The following IGF2BP1 variants were observed in gnomAD, a reference collection of about 807,000 sequenced individuals.
IGF2BP1 encodes the protein insulin-like growth factor 2 mRNA-binding protein 1.
Under a neutral mutation model 74.9 loss-of-function variants are expected in IGF2BP1, and 11 were observed. The ratio of observed to expected loss-of-function variants is 0.15; its 90% CI spans 0.09 to 0.24. The LOEUF (loss-of-function observed/expected upper bound fraction) is 0.24, where lower values mean the gene tolerates loss of function less well. Ranked by LOEUF, IGF2BP1 falls within the 10% of genes least tolerant of loss-of-function variation. The probability of loss-of-function intolerance (pLI) is 1.00; values close to 1 mark genes in which losing one functional copy is unlikely to be tolerated. For missense variants in IGF2BP1, 440 were observed against 757.4 expected, an observed-to-expected ratio of 0.58 and a Z score of 4.92; for synonymous variants, 287 against 281.8, an observed-to-expected ratio of 1.02 and a Z score of -0.18.
intron 5 of IGF2BP1, among the ~76,000 whole-genome samples, chr17:49,032,381 AT>A (rs1249689449): frequency 6.6e-6 from 1 of 152,076 alleles, no homozygotes; most frequent in Non-Finnish European, 1.5e-5. Context: ...TTCAAAAAAG[AT>A]TCCTCAACCT....
chr17:49,029,831 G>C (rs2041901631), intron 4 of IGF2BP1, among the ~76,000 whole-genome samples: 1 of 150,740 alleles, frequency 6.6e-6, no homozygotes, highest in African/African-American at 2.4e-5. Flanking sequence ...GTAGAGACGG[G>C]GTCTCCCTAT....
Position 49,031,383 on chromosome 17 carries a change from G to A in IGF2BP1, c.338-527G>A, listed in dbSNP as rs189537061. On this transcript the variant is annotated intron_variant, in intron 4 of 14. Coordinates refer to ENST00000290341, the MANE Select transcript of IGF2BP1 (RefSeq NM_006546.4). ...CTCCCAAAGTCCTGGGATTATAGGCGTGAGGTACCATGCTCTGCCTGGTAA... is the reference window on the plus strand; with the variant it reads ...CTCCCAAAGTCCTGGGATTATAGGCATGAGGTACCATGCTCTGCCTGGTAA... Among the ~76,000 whole-genome samples the A allele has an allele frequency of 2.6e-3, 394 of 152,160 alleles. 2 individuals carry two copies. Among genetic ancestry groups the A allele is most frequent in the African/African-American group, 8.8e-3 (365 of 41,528 alleles).
chr17:49,041,435 T>C lies in IGF2BP1; in HGVS notation c.876T>C (p.Ile292=). The C allele has an allele frequency of 6.2e-7, 1 of 1,614,042 alleles. No individual in the cohort carries two copies. The highest frequency in any genetic ancestry group is 8.5e-7 in the Non-Finnish European group (1 of 1,179,996). The change falls in exon 8 of 15, where the codon ATT becomes ATC. Residue 292 remains isoleucine, a synonymous_variant. Transcript: ENST00000290341. ...ATAATAACTTTGTAGGGCGTCTCAT[T>C]GGCAAGGAAGGACGGAACCTGAAGA... The part of the protein sequence containing the change: ...LAHNNFVGRL[I]GKEGRNLKKV...
At chr17:49,040,128 C>A in intron 7 of IGF2BP1, 37 bp downstream of exon 7, 1 of 1,610,494 alleles carries the variant, frequency 6.2e-7, no homozygotes, top group South Asian at 1.1e-5. Flanking sequence ...TCAGGGTCTG[C>A]TAGTCCAGTT....
intron 2 of IGF2BP1, among the ~76,000 whole-genome samples, chr17:49,010,595 A>G (rs1461383529): frequency 2.0e-5 from 3 of 152,052 alleles, no homozygotes; most frequent in African/African-American, 7.2e-5. Context: ...TCACCTCTTC[A>G]TCCTAAAGAA....
intron 4 of IGF2BP1, 146 bp downstream of exon 4, chr17:49,026,663 TCCTGCCTTCCTTCCTGCCTTCCTG>T (rs1567818950): frequency 7.3e-5 from 46 of 629,334 alleles, no homozygotes; most frequent in African/African-American, 1.5e-4. Context: ...CTTCCTGCCT[TCCTGCCTTCCTTCCTGCCTTCCTG>T]CCTTCCTGCC....
At chr17:49,001,668 T>C (rs2041489680) in intron 2 of IGF2BP1, among the ~76,000 whole-genome samples, 1 of 152,186 alleles carries the variant, frequency 6.6e-6, no homozygotes, top group Non-Finnish European at 1.5e-5. Flanking sequence ...TTCTTAGAGA[T>C]CACCATCTCA....
chr17:49,043,402 T>A (rs1486523480), intron 9 of IGF2BP1, 26 bp from the exon 10 acceptor site: 6 of 1,612,940 alleles, frequency 3.7e-6, no homozygotes, highest in Non-Finnish European at 5.1e-6. Flanking sequence ...GTGTGCTGAC[T>A]CTTCCTCCTC....
At position 49,051,344 on chromosome 17, in the gene IGF2BP1, A is replaced by C. The variant is rs552196719; in HGVS notation, c.*1900A>C. Reference sequence around the variant, plus strand: ...CTCTATGGAGAACAGGCCTGGTGGGAAAGGCTTTGGGGGCTGCCCCCTTAG... The same window carrying C: ...CTCTATGGAGAACAGGCCTGGTGGGCAAGGCTTTGGGGGCTGCCCCCTTAG... On this transcript the variant is annotated 3_prime_UTR_variant, in exon 15 of 15. Transcript: ENST00000290341. 36 of 152,766 alleles carry C rather than the reference A, an allele frequency of 2.4e-4. No homozygotes were observed. Among genetic ancestry groups the C allele is most frequent in the African/African-American group, 8.7e-4 (36 of 41,568 alleles). 9.5% of individuals were successfully genotyped at this position (152,766 alleles called of 1,614,324 possible).
chr17:49,040,176 C>T, intron 7 of IGF2BP1, 85 bp downstream of exon 7: 9 of 1,416,118 alleles, frequency 6.4e-6, no homozygotes, highest in Non-Finnish European at 6.8e-6. Flanking sequence ...TTTATACAGA[C>T]ATATAAGAAA....
chr17:49,025,313 AGTGTGTGTGTGTGTGTGTGTGTGTGT>A (rs369153046), intron 2 of IGF2BP1, among the ~76,000 whole-genome samples: 5 of 133,554 alleles, frequency 3.7e-5, no homozygotes, highest in Non-Finnish European at 8.0e-5. Context: ...GGACAAACAA[AGTGTGTGTGTGTGTGTGTGTGTGTGT>A]GTGTGTGTGT....
intron 4 of IGF2BP1, among the ~76,000 whole-genome samples, chr17:49,027,363 G>A (rs1327528949): frequency 1.3e-5 from 2 of 152,092 alleles, no homozygotes; most frequent in South Asian, 2.1e-4. Context: ...GAAAAGCTTC[G>A]TGTTTCTTGC....
intron 6 of IGF2BP1, among the ~76,000 whole-genome samples, chr17:49,039,027 G>A (rs2144117590): frequency 6.6e-6 from 1 of 151,824 alleles, no homozygotes; most frequent in South Asian, 2.1e-4. Context: ...ACAGGCGCGT[G>A]CCACCATGCC....
At chr17:49,027,223 C>G (rs544191741) in intron 4 of IGF2BP1, among the ~76,000 whole-genome samples, 154 of 152,306 alleles carry the variant, frequency 1.0e-3, no homozygotes, top group African/African-American at 3.4e-3. Flanking sequence ...CAAAGCCACT[C>G]CTTCCCAGCC....
At chr17:49,047,554 A>T (rs1474557074) in intron 14 of IGF2BP1, among the ~76,000 whole-genome samples, 1 of 152,034 alleles carries the variant, frequency 6.6e-6, no homozygotes, top group African/African-American at 2.4e-5. Flanking sequence ...ACCTCCAAAG[A>T]TGCATAAAGC....
At chr17:49,008,385 T>A (rs539470875) in intron 2 of IGF2BP1, among the ~76,000 whole-genome samples, 1 of 152,158 alleles carries the variant, frequency 6.6e-6, no homozygotes, top group African/African-American at 2.4e-5. Context: ...ACTGAGGTTA[T>A]CTATAGGGTT....
intron 9 of IGF2BP1, among the ~76,000 whole-genome samples, chr17:49,043,076 C>T (rs572233884): frequency 3.0e-4 from 45 of 152,154 alleles, no homozygotes; most frequent in Non-Finnish European, 4.6e-4. Context: ...TCTGTCTCCA[C>T]GCCTTTTTCT....
In IGF2BP1 at chr17:49,004,296, T is replaced by A. The variant is rs191786008; in HGVS notation, c.236+5127T>A. On this transcript the variant is annotated intron_variant, in intron 2 of 14. Coordinates refer to ENST00000290341, the MANE Select transcript of IGF2BP1 (RefSeq NM_006546.4). Reference sequence around the variant, plus strand: ...CGCAGCAGATACCCCACGAGAGGGTTCCCCCTCACCGGCTGCGGGCTGCGG... The same window carrying A: ...CGCAGCAGATACCCCACGAGAGGGTACCCCCTCACCGGCTGCGGGCTGCGG... 3.4e-5 allele frequency among the ~76,000 whole-genome samples: 4 copies of A among 118,258 alleles called. No individual in the cohort carries two copies. In the East Asian group the frequency reaches 8.0e-4, roughly 24 times the overall value. The allele number at this position is 118,258 out of a possible 152,430, so 77.6% of individuals were successfully genotyped here.
chr17:49,001,846 G>A (rs557514999), intron 2 of IGF2BP1, among the ~76,000 whole-genome samples: 3 of 152,090 alleles, frequency 2.0e-5, no homozygotes, highest in Non-Finnish European at 4.4e-5. Context: ...GAGTAGTTGA[G>A]GTAAAGGGGG....
Sources: allele counts gnomAD v4.1 joint callset (sites outside exome capture counted in the v4.1 genomes callset), GRCh38; gene constraint gnomAD v4.1.1; transcripts MANE v1.5; gene names NCBI Gene and HGNC (gene_info 2026-07-23, HGNC 2026-07-21).